Variants in KCNIP4 observed in about 807,000 individuals in gnomAD.
KCNIP4 encodes the protein Kv channel-interacting protein 4.
A neutral mutation model predicts 34.0 loss-of-function variants in KCNIP4; 12 were observed. The observed-to-expected ratio is 0.35, with a 90% CI of 0.23 to 0.57. The LOEUF (loss-of-function observed/expected upper bound fraction) is 0.57, where lower values mean the gene tolerates loss of function less well. Ranked by LOEUF, KCNIP4 falls within the 20% of genes least tolerant of loss-of-function variation. KCNIP4 has a pLI of 0.83. For missense variants in KCNIP4, 238 were observed against 311.7 expected (o/e 0.76, Z 1.78); for synonymous variants, 124 against 102.2 (o/e 1.21, Z -1.29).
At chr4:21,675,420 T>C (rs1324384598) in intron 1 of KCNIP4, among the ~76,000 whole-genome samples, 2 of 152,148 alleles carry the variant, frequency 1.3e-5, no homozygotes, top group Non-Finnish European at 2.9e-5. Flanking sequence ...AACTTAATCA[T>C]ATATTTTTAA....
intron 1 of KCNIP4, among the ~76,000 whole-genome samples, chr4:21,757,192 AAGGAAG>A (rs1717660222): frequency 2.6e-5 from 1 of 37,870 alleles, no homozygotes. Context: ...GGAAGGAAGG[AAGGAAG>A]GAAAGAAAGA....
chr4:20,892,656 A>G (rs535083924), intron 1 of KCNIP4, among the ~76,000 whole-genome samples: 2 of 152,260 alleles, frequency 1.3e-5, no homozygotes, highest in African/African-American at 4.8e-5. Context: ...AAACATTTAG[A>G]GAGAGTTTTG....
At chr4:21,533,799 A>C (rs1470962239) in intron 1 of KCNIP4, among the ~76,000 whole-genome samples, 2 of 152,202 alleles carry the variant, frequency 1.3e-5, no homozygotes, top group Non-Finnish European at 2.9e-5. Context: ...AATTCCTGCA[A>C]ATCATGTTAG....
At chr4:21,176,167 C>T (rs1431639085) in intron 1 of KCNIP4, among the ~76,000 whole-genome samples, 1 of 152,198 alleles carries the variant, frequency 6.6e-6, no homozygotes, top group African/African-American at 2.4e-5. Context: ...TTAAGTTGGG[C>T]TTTAAGACCA....
rs187104029 is a variant in KCNIP4, at chr4:21,799,461, T to C, written c.61+149110A>G. Among the ~76,000 whole-genome samples, 3 of 152,328 alleles carry C rather than the reference T, an allele frequency of 2.0e-5. No homozygotes were observed. The East Asian group carries it at 5.8e-4, about 29-fold the overall frequency. ...TAGCTTTCGTAATCTTTGACATTAA[T>C]ATTGGTCAAAAGCTATATGATACCT... On this transcript the variant is annotated intron_variant, in intron 1 of 8. Coordinates refer to ENST00000382152, the MANE Select transcript of KCNIP4 (RefSeq NM_025221.6).
At chr4:20,804,173 C>T (rs1714773602) in intron 3 of KCNIP4, among the ~76,000 whole-genome samples, 1 of 152,134 alleles carries the variant, frequency 6.6e-6, no homozygotes, top group Non-Finnish European at 1.5e-5. Context: ...TCTCTCATTT[C>T]CTATGGTAAG....
At chr4:21,805,488 A>G (rs1356240008) in intron 1 of KCNIP4, among the ~76,000 whole-genome samples, 1 of 152,084 alleles carries the variant, frequency 6.6e-6, no homozygotes, top group East Asian at 1.9e-4. Context: ...ATCCTCTGCC[A>G]TGATTGTGAG....
At chr4:21,691,060 G>T (rs908464857) in intron 1 of KCNIP4, among the ~76,000 whole-genome samples, 2 of 152,134 alleles carry the variant, frequency 1.3e-5, no homozygotes, top group African/African-American at 4.8e-5. Context: ...ATCTTTTGAG[G>T]GGAAGCAACA....
intron 1 of KCNIP4, among the ~76,000 whole-genome samples, chr4:20,992,690 C>G (rs1332876734): frequency 6.6e-6 from 1 of 151,938 alleles, no homozygotes; most frequent in Non-Finnish European, 1.5e-5. Context: ...CCCTTTTCAC[C>G]AACCTTAGAG....
At chr4:20,989,013 A>G (rs1285180467) in intron 1 of KCNIP4, among the ~76,000 whole-genome samples, 12 of 152,104 alleles carry the variant, frequency 7.9e-5, no homozygotes, top group Admixed American at 7.2e-4. Context: ...ACAATTTACC[A>G]CCCTAGAAGC....
intron 1 of KCNIP4, among the ~76,000 whole-genome samples, chr4:20,967,761 C>A (rs537314328): frequency 6.6e-6 from 1 of 152,248 alleles, no homozygotes; most frequent in African/African-American, 2.4e-5. Flanking sequence ...CTTCCTTACA[C>A]CTTATACAAA....
intron 1 of KCNIP4, among the ~76,000 whole-genome samples, chr4:20,981,968 G>A (rs554761072): frequency 7.6e-4 from 115 of 152,266 alleles, no homozygotes; most frequent in Non-Finnish European, 1.5e-3. Flanking sequence ...GATTCTAGTT[G>A]GGGGAGTCAG....
At chr4:20,806,032 T>A (rs1228112522) in intron 3 of KCNIP4, among the ~76,000 whole-genome samples, 3 of 152,168 alleles carry the variant, frequency 2.0e-5, no homozygotes, top group African/African-American at 7.2e-5. Flanking sequence ...TTCTGAATTA[T>A]GTTTTTAAAT....
intron 1 of KCNIP4, among the ~76,000 whole-genome samples, chr4:20,985,299 T>C (rs1053043535): frequency 6.6e-6 from 1 of 152,186 alleles, no homozygotes; most frequent in African/African-American, 2.4e-5. Context: ...AAGGGAATTA[T>C]GGGAATTAAA....
At chr4:21,214,615 G>A (rs1757436858) in intron 1 of KCNIP4, among the ~76,000 whole-genome samples, 1 of 152,080 alleles carries the variant, frequency 6.6e-6, no homozygotes, top group Admixed American at 6.6e-5. Flanking sequence ...TCTTAAAGCT[G>A]GGACAAAAGG....
intron 1 of KCNIP4, among the ~76,000 whole-genome samples, chr4:21,067,249 G>A (rs1270297138): frequency 6.6e-6 from 1 of 152,134 alleles, no homozygotes; most frequent in Non-Finnish European, 1.5e-5. Context: ...ATCAGCAGTG[G>A]TAGCTAGGCA....
At chr4:21,008,795 A>T (rs148058377) in intron 1 of KCNIP4, among the ~76,000 whole-genome samples, 4,001 of 151,970 alleles carry the variant, frequency 0.026, 90 homozygotes, top group Admixed American at 0.074. Context: ...GAGTGCTAGG[A>T]TTACAGACGT....
At chr4:21,097,930 C>A (rs987227690) in intron 1 of KCNIP4, among the ~76,000 whole-genome samples, 1 of 152,038 alleles carries the variant, frequency 6.6e-6, no homozygotes, top group East Asian at 1.9e-4. Context: ...AACAGGTAGC[C>A]AAGTTGTGAA....
intron 1 of KCNIP4, among the ~76,000 whole-genome samples, chr4:21,910,528 G>A (rs756658599): frequency 4.6e-5 from 7 of 152,128 alleles, no homozygotes; most frequent in African/African-American, 9.7e-5. Flanking sequence ...AAGCCCCAGA[G>A]ATTCCCTCAA....
Sources: allele counts gnomAD v4.1 joint callset (sites outside exome capture counted in the v4.1 genomes callset), GRCh38; gene constraint gnomAD v4.1.1; transcripts MANE v1.5; gene names NCBI Gene and HGNC (gene_info 2026-07-23, HGNC 2026-07-21).